APC: variants seen among roughly 807,000 people sequenced by gnomAD.
APC encodes the protein adenomatous polyposis coli protein.
In APC, 72 loss-of-function variants were observed where a neutral mutation model predicts 247.0. The observed-to-expected ratio is 0.29, with a 90% CI of 0.24 to 0.35. The LOEUF (loss-of-function observed/expected upper bound fraction) is 0.35. Among genes scored for constraint, APC ranks in the 10% least tolerant of loss-of-function variants. The pLI is 1.00. For missense variants in APC, 3,400 were observed against 3,360.7 expected (o/e 1.01, Z -0.29); for synonymous variants, 1,254 against 1,162.5 (o/e 1.08, Z -1.60).
intron 2 of APC, among the ~76,000 whole-genome samples, chr5:112,755,831 C>T (rs1030186378): frequency 1.3e-5 from 2 of 151,964 alleles, no homozygotes; most frequent in African/African-American, 4.8e-5. Context: ...TTACTTCCAC[C>T]GGGTGTGATG....
At chr5:112,813,316 C>T (rs1339402732) in intron 8 of APC, among the ~76,000 whole-genome samples, 1 of 152,082 alleles carries the variant, frequency 6.6e-6, no homozygotes, top group African/African-American at 2.4e-5. Context: ...TAGTTTTGTG[C>T]ACTAGTCAGG....
chr5:112,841,880 T>A lies in APC; in HGVS notation c.6286T>A (p.Ser2096Thr), dbSNP rs1240136303. The A allele has an allele frequency of 3.1e-6, 5 of 1,613,982 alleles. No homozygotes were observed. The highest frequency in any genetic ancestry group is 4.2e-6 in the Non-Finnish European group (5 of 1,179,934). The change falls in exon 16 of 16, where the codon TCA becomes ACA. Residue 2096 changes from serine (S) to threonine (T), a missense_variant. This residue lies in a region of APC where 1,788 missense variants were observed against 1,649.5 expected (regional missense o/e 1.08). Transcript: ENST00000257430. The surrounding 1 kb of genome is among the most constrained non-coding windows in gnomAD (Gnocchi z 4.6). ...TTCAGAACATGGTCTATCCCCTGAT[T>A]CAGAAAATTTTGATTGGAAAGCTAT... Reference protein sequence around the residue: ...PDSEHGLSPDSENFDWKAIQE... With the variant: ...PDSEHGLSPDTENFDWKAIQE...
At chr5:112,714,956 A>G (rs987513850) in intron 1 of APC, among the ~76,000 whole-genome samples, 1 of 152,170 alleles carries the variant, frequency 6.6e-6, no homozygotes, top group Non-Finnish European at 1.5e-5. Context: ...GCAAGTATAT[A>G]TAACATCTAT....
At position 112,838,281 on chromosome 5, in the gene APC, C is replaced by T. The variant is rs864622255; in HGVS notation, c.2687C>T (p.Ala896Val). 6 of 1,614,198 alleles carry T rather than the reference C, an allele frequency of 3.7e-6. No homozygotes were observed. Among genetic ancestry groups the T allele is most frequent in the Non-Finnish European group, 5.1e-6 (6 of 1,180,024 alleles). The change falls in exon 16 of 16, where the codon GCC (alanine) becomes GTC (valine). Residue 896 changes from alanine to valine, a missense_variant. By Grantham distance (64) the Ala-to-Val change is moderately conservative. Around this residue, in one of 9 missense-constraint regions of APC, gnomAD observed 715 missense variants for 656.6 expected, o/e 1.09. Transcript: ENST00000257430. ...GCCAAAGTCATGGAAGAAGTGTCAGCCATTCATACCTCTCAGGAAGACAGA... is the reference window on the plus strand; with the variant it reads ...GCCAAAGTCATGGAAGAAGTGTCAGTCATTCATACCTCTCAGGAAGACAGA... ...QIAKVMEEVS[A>V]IHTSQEDRSS... is the part of the protein sequence containing the mutation.
chr5:112,814,323 T>C (rs548337763), intron 8 of APC, among the ~76,000 whole-genome samples: 7 of 152,298 alleles, frequency 4.6e-5, no homozygotes, highest in East Asian at 3.9e-4. Context: ...CAGGTGCCCA[T>C]TGGGGATTCT....
intron 1 of APC, among the ~76,000 whole-genome samples, chr5:112,722,671 C>G (rs978958109): frequency 2.6e-5 from 4 of 151,970 alleles, no homozygotes; most frequent in Non-Finnish European, 5.9e-5. Context: ...CCTCACAGAA[C>G]TCAGGGAAAC....
At chr5:112,783,906 G>T in intron 6 of APC, 1 of 248,836 alleles carries the variant, frequency 4.0e-6, no homozygotes, top group Non-Finnish European at 8.0e-6. Flanking sequence ...ATTGTGAAAA[G>T]ATGCTTAAAC....
Position 112,835,198 on chromosome 5 carries a change from A to G in APC, c.1958+33A>G, listed in dbSNP as rs141414393. 4.6e-4 allele frequency: 724 copies of G among 1,557,866 alleles called. 5 individuals carry two copies. In the East Asian group the frequency reaches 0.015, roughly 33 times the overall value. On this transcript the variant is annotated intron_variant, in intron 15 of 15. Coordinates refer to ENST00000257430, the MANE Select transcript of APC (RefSeq NM_000038.6). ...TAGAGTTTTATATTACTTTTAAAGT[A>G]CAGAATTCATACTCTCAAAAAGACC... is the stretch of plus-strand genomic sequence containing the variant.
intron 14 of APC, among the ~76,000 whole-genome samples, chr5:112,832,148 C>G (rs1480751146): frequency 1.3e-5 from 2 of 152,100 alleles, no homozygotes; most frequent in African/African-American, 4.8e-5. Context: ...TTTGTGTCTT[C>G]TAATTTGAAC....
chr5:112,750,679 C>T (rs536490567), intron 1 of APC, among the ~76,000 whole-genome samples: 3 of 152,096 alleles, frequency 2.0e-5, no homozygotes, highest in Admixed American at 1.3e-4. Context: ...AGTCTAGTAA[C>T]GGACATCATT....
At chr5:112,755,888 T>C (rs992718731) in intron 2 of APC, among the ~76,000 whole-genome samples, 1 of 150,540 alleles carries the variant, frequency 6.6e-6, no homozygotes, top group African/African-American at 2.5e-5. Flanking sequence ...GGCAGGAGGA[T>C]AGCTTGAGCC....
chr5:112,771,801 C>G (rs1293714583), intron 4 of APC, among the ~76,000 whole-genome samples: 1 of 151,838 alleles, frequency 6.6e-6, no homozygotes, highest in East Asian at 1.9e-4. Context: ...TTCTTTCTTT[C>G]TAGACCTTCT....
chr5:112,810,650 A>G (rs1761895585), intron 8 of APC, among the ~76,000 whole-genome samples: 1 of 152,176 alleles, frequency 6.6e-6, no homozygotes, highest in African/African-American at 2.4e-5. Flanking sequence ...AGTTGGATTC[A>G]TCTGTGATTG....
At chr5:112,728,173 G>T (rs1256762126) in intron 1 of APC, among the ~76,000 whole-genome samples, 1 of 151,876 alleles carries the variant, frequency 6.6e-6, no homozygotes. Context: ...TGTTGCTCAG[G>T]CTGGAGTGCA....
At chr5:112,781,004 G>A in intron 6 of APC, 101 bp downstream of exon 6, 1 of 834,558 alleles carries the variant, frequency 1.2e-6, no homozygotes, top group South Asian at 1.5e-5. Flanking sequence ...AAAGACATAA[G>A]GCTGTGTTTA....
intron 5 of APC, among the ~76,000 whole-genome samples, chr5:112,778,943 A>G (rs921255283): frequency 3.9e-5 from 6 of 152,192 alleles, no homozygotes; most frequent in Non-Finnish European, 7.4e-5. Flanking sequence ...ACCAAAATAG[A>G]CAAAAAGGTA....
intron 7 of APC, 41 bp from the exon 8 acceptor site, chr5:112,801,238 C>A: frequency 6.5e-7 from 1 of 1,546,628 alleles, no homozygotes; most frequent in Non-Finnish European, 8.9e-7. Context: ...AGAAAGCCTA[C>A]ACCATTTTTG....
chr5:112,826,181 A>G (rs774684113), intron 11 of APC, among the ~76,000 whole-genome samples: 1 of 152,226 alleles, frequency 6.6e-6, no homozygotes, highest in Non-Finnish European at 1.5e-5. Context: ...TGTCTTGCAG[A>G]TGAATGACCT....
rs2149844401 is a variant in APC at position 112,835,155 on chromosome 5, G to A, written c.1948G>A (p.Glu650Lys). The A allele has an allele frequency of 1.2e-6, 2 of 1,613,426 alleles. No individual in the cohort carries two copies. Among genetic ancestry groups the A allele is most frequent in the Non-Finnish European group, 8.5e-7 (1 of 1,179,478 alleles). Residue 650 changes from glutamate to lysine, a missense_variant, in exon 15 of 16, where the codon GAG becomes AAG. Coordinates refer to ENST00000257430, the MANE Select transcript of APC (RefSeq NM_000038.6). ...TGTGTCCAGCTTGATAGCTACAAATGAGGACCACAGGTATATATAGAGTTT... is the reference window on the plus strand; with the variant it reads ...TGTGTCCAGCTTGATAGCTACAAATAAGGACCACAGGTATATATAGAGTTT... ...RNVSSLIATN[E>K]DHRQILRENN...
Sources: gnomAD v4.1 joint callset for allele counts (sites outside exome capture counted in the v4.1 genomes callset) on GRCh38, gnomAD v4.1.1 for gene constraint, gnomAD v4.1.1 regional missense constraint, Gnocchi (gnomAD v3.1) non-coding constraint, MANE v1.5 for transcripts, NCBI Gene and HGNC (gene_info 2026-07-23, HGNC 2026-07-21) for gene names.